Variants in PKD1 observed in about 807,000 individuals in gnomAD.
The protein encoded by PKD1 is polycystin 1, transient receptor potential channel interacting.
In PKD1, 81 loss-of-function variants were observed where a neutral mutation model predicts 361.7. That is an observed-to-expected ratio of 0.22 (90% CI 0.19 to 0.27). The LOEUF (loss-of-function observed/expected upper bound fraction) is 0.27, where lower values mean the gene tolerates loss of function less well. Among genes scored for constraint, PKD1 ranks in the 10% least tolerant of loss-of-function variants. The pLI is 1.00. For missense variants in PKD1, 6,399 were observed against 6,118.3 expected, an observed-to-expected ratio of 1.05 and a Z score of -1.53; for synonymous variants, 3,615 against 2,818.3, an observed-to-expected ratio of 1.28 and a Z score of -8.95.
In PKD1 at chr16:2,093,576, G is replaced by A. The variant is rs770600083; in HGVS notation, c.10984C>T (p.Arg3662Cys). 34 of 1,606,742 alleles carry A rather than the reference G, an allele frequency of 2.1e-5. No individual in the cohort carries two copies. Among genetic ancestry groups the A allele is most frequent in the South Asian group, 1.4e-4 (13 of 89,782 alleles). Residue 3662 changes from arginine to cysteine, a missense_variant, in exon 37 of 46, where the codon CGC becomes TGC. Physicochemically the swap from Arg to Cys is radical, Grantham distance 180. Coordinates refer to ENST00000262304, the MANE Select transcript of PKD1 (RefSeq NM_001009944.3). Reference protein sequence around the residue: ...FALFLAKEEARKVKRLHGMLR... With the variant: ...FALFLAKEEACKVKRLHGMLR... ...ATGCCATGTAGCCTCTTGACCTTGC[G>A]GGCTTCTTCCTTGGCCAGGAAGAGT...
intron 34 of PKD1, chr16:2,096,776 C>G (rs2091865275): frequency 3.9e-6 from 1 of 254,176 alleles, no homozygotes; most frequent in Non-Finnish European, 7.7e-6. Flanking sequence ...CTCGGCCTCC[C>G]AAAGTGCTGG....
rs1455118393 is a variant in PKD1, at chr16:2,119,096, C to T, written c.359+18G>A. ...CCTGGGGTCCAGCCAGGACCCCACC[C>T]AAAGAACCACAACTTACATTTCACT... On this transcript the variant is annotated intron_variant, in intron 3 of 45. Transcript: ENST00000262304. 1.7e-6 allele frequency: 2 copies of T among 1,162,938 alleles called. No individual in the cohort carries two copies. The highest frequency in any genetic ancestry group is 2.5e-5 in the East Asian group (1 of 40,276). 72.0% of individuals were successfully genotyped at this position (1,162,938 alleles called of 1,614,324 possible). A position where few individuals can be genotyped will look rare whatever the true frequency, so the allele number is the denominator to read the frequency against.
At chr16:2,091,702 C>T (rs1379740718) in intron 41 of PKD1, 79 bp downstream of exon 41, 16 of 1,579,132 alleles carry the variant, frequency 1.0e-5, no homozygotes, top group Admixed American at 1.8e-5. Context: ...CCTAGGCCAG[C>T]GGGGGCCGGA....
Position 2,108,654 on chromosome 16 carries a change from G to A in PKD1, c.6513C>T (p.Ala2171=), listed in dbSNP as rs369244440. 7.0e-6 allele frequency: 11 copies of A among 1,563,618 alleles called. 1 individual carries two copies. Among genetic ancestry groups the A allele is most frequent in the South Asian group, 1.2e-5 (1 of 85,382 alleles). The part of the protein sequence containing the change: ...MRRSQRNYLE[A]HVDLRDCVTY... ...TGACGCAGTCGCGCAGGTCAACGTG[G>A]GCCTCCAAGTAGTTGCGCTGTGATC... The change falls in exon 15 of 46, where the codon GCC becomes GCT. Residue 2171 remains alanine, a synonymous_variant. Coordinates refer to ENST00000262304, the MANE Select transcript of PKD1 (RefSeq NM_001009944.3).
At chr16:2,127,382 C>T (rs1343677155) in intron 1 of PKD1, among the ~76,000 whole-genome samples, 1 of 152,228 alleles carries the variant, frequency 6.6e-6, no homozygotes, top group African/African-American at 2.4e-5. Context: ...AGGAGTGGGC[C>T]GGGTCTTGTG....
rs927078945 is a variant in PKD1 at position 2,119,920 on chromosome 16, G to C, written c.216-542C>G. On this transcript the variant is annotated intron_variant, in intron 1 of 45. Transcript: ENST00000262304. ...TCGAGGCATAAACCCAGAGAAACAA[G>C]ACCTCCAAGACGGCCAGGCACTGGG... 5.8e-6 allele frequency: 4 copies of C among 693,312 alleles called. No homozygotes were observed. In the African/African-American group the frequency reaches 7.1e-5, roughly 12 times the overall value. 42.9% of individuals were successfully genotyped at this position (693,312 alleles called of 1,614,324 possible). A position where few individuals can be genotyped will look rare whatever the true frequency, so the allele number is the denominator to read the frequency against.
At position 2,119,318 on chromosome 16, in the gene PKD1, C is replaced by T. The variant is rs374518168; in HGVS notation, c.276G>A (p.Ala92=). The change falls in exon 2 of 46, where the codon GCG becomes GCA. Residue 92 remains alanine (A), a synonymous_variant. Transcript: ENST00000262304. ...TGGGGGACACTCACAGCTCTGCCAG[C>T]GCCGAGAGGTTCGCCAGGAGCCCAA... The part of the protein sequence containing the change: ...LDVGLLANLS[A]LAELDISNNK... 3.1e-3 allele frequency: 4,019 copies of T among 1,288,016 alleles called. 17 individuals carry two copies. Among genetic ancestry groups the T allele is most frequent in the Middle Eastern group, 0.01 (40 of 3,886 alleles). The allele number at this position is 1,288,016 out of a possible 1,614,324, so 79.8% of individuals were successfully genotyped here. A position where few individuals can be genotyped will look rare whatever the true frequency, so the allele number is the denominator to read the frequency against.
chr16:2,112,072 C>T (rs1235778763), intron 14 of PKD1, among the ~76,000 whole-genome samples: 1 of 152,220 alleles, frequency 6.6e-6, no homozygotes, highest in Non-Finnish European at 1.5e-5. Context: ...GACGGCACCG[C>T]CTCCAAGTGC....
In PKD1 at chr16:2,116,829, A is replaced by C; in HGVS notation, c.1606+4T>G. The C allele has an allele frequency of 1.1e-5, 16 of 1,518,898 alleles. No individual in the cohort carries two copies. The highest frequency in any genetic ancestry group is 1.4e-5 in the Non-Finnish European group (16 of 1,133,326). The allele number at this position is 1,518,898 out of a possible 1,614,324, so 94.1% of individuals were successfully genotyped here. On this transcript the variant is annotated splice_donor_region_variant and intron_variant, in intron 7 of 45. Transcript: ENST00000262304. ...CTCAGGCCCCTGCCTGGCCCCCCGC[A>C]CACCTCCGGGCTGCAGCTCGCAGAC... is the stretch of plus-strand genomic sequence containing the variant.
At position 2,089,946 on chromosome 16, in the gene PKD1, C is replaced by T. The variant is rs770831279; in HGVS notation, c.12693G>A (p.Gln4231=). The change falls in exon 46 of 46, where the codon CAG becomes CAA. Residue 4231 remains glutamine, a synonymous_variant. Coordinates refer to ENST00000262304, the MANE Select transcript of PKD1 (RefSeq NM_001009944.3). ...CCAGCTGGTAGACGTCCTCTGTGGC[C>T]TGGTTGAGTCGGTCAAACTGGGTGA... is the stretch of plus-strand genomic sequence containing the variant. The part of the protein sequence containing the change: ...ALLTQFDRLN[Q]ATEDVYQLEQ... The T allele has an allele frequency of 6.2e-7, 1 of 1,612,320 alleles. No homozygotes were observed. The highest frequency in any genetic ancestry group is 8.5e-7 in the Non-Finnish European group (1 of 1,179,780).
chr16:2,115,169 A>G (rs1339852571), intron 10 of PKD1: 7 of 736,180 alleles, frequency 9.5e-6, no homozygotes, highest in African/African-American at 1.9e-5. Flanking sequence ...GAGGAAGAGG[A>G]GGCACAGCTC....
chr16:2,109,310 T>G lies in PKD1; in HGVS notation c.5857A>C (p.Lys1953Gln). 6.3e-7 allele frequency: 1 copy of G among 1,585,982 alleles called. No individual in the cohort carries two copies. Among genetic ancestry groups the G allele is most frequent in the Non-Finnish European group, 8.6e-7 (1 of 1,169,112 alleles). The stretch of plus-strand genomic sequence containing the variant: ...GCCTGGGCCCAGCTCACGTGGTTTT[T>G]GCCCCGCACGCTCACCACGTGGTCT... Reference protein sequence around the residue: ...VGDHVVSVRGKNHVSWAQAQV... With the variant: ...VGDHVVSVRGQNHVSWAQAQV... The change falls in exon 15 of 46, where the codon AAA becomes CAA. Residue 1953 changes from lysine to glutamine, a missense_variant. Physicochemically the swap from Lys to Gln is moderately conservative, Grantham distance 53 (BLOSUM62 1). Coordinates refer to ENST00000262304, the MANE Select transcript of PKD1 (RefSeq NM_001009944.3).
intron 11 of PKD1, chr16:2,113,694 C>T (rs2092577181): frequency 1.6e-5 from 6 of 371,054 alleles, no homozygotes; most frequent in South Asian, 7.9e-5. Context: ...GCACAGGTCA[C>T]GCCATTTCTG....
In PKD1 at chr16:2,090,148, C is replaced by A; in HGVS notation, c.12491G>T (p.Arg4164Leu). The A allele has an allele frequency of 6.3e-7, 1 of 1,594,500 alleles. No individual in the cohort carries two copies. Among genetic ancestry groups the A allele is most frequent in the Non-Finnish European group, 8.5e-7 (1 of 1,169,652 alleles). ...RFEGMEPLPSRSSRGSKVSPD... is the reference protein window; with the variant it reads ...RFEGMEPLPSLSSRGSKVSPD... ...GGATACCTTGGAGCCCCTGGAGGAG[C>A]GAGAGGGCAGCGGCTCCATCCCTTC... The change falls in exon 46 of 46, where the codon CGC becomes CTC. Residue 4164 changes from arginine (R) to leucine (L), a missense_variant. By Grantham distance (102) the Arg-to-Leu change is moderately radical. Transcript: ENST00000262304.
intron 34 of PKD1, chr16:2,094,721 G>A (rs535845154): frequency 5.7e-6 from 1 of 174,240 alleles, no homozygotes; most frequent in Non-Finnish European, 1.2e-5. Context: ...GTGTCTCCAG[G>A]AGCCAGTGAC....
intron 40 of PKD1, 28 bp from the exon 41 acceptor site, chr16:2,091,934 G>A (rs1326854231): frequency 4.3e-6 from 7 of 1,611,402 alleles, no homozygotes; most frequent in Middle Eastern, 1.7e-4. Context: ...CGTGGGTGCC[G>A]CACCCCAGCC....
intron 1 of PKD1, among the ~76,000 whole-genome samples, chr16:2,127,154 C>T (rs1468290567): frequency 5.3e-5 from 8 of 152,204 alleles, no homozygotes; most frequent in African/African-American, 9.7e-5. Context: ...CAGCGCACAC[C>T]GCCACCACCT....
In PKD1 at chr16:2,111,303, G is replaced by T; in HGVS notation, c.3864C>A (p.His1288Gln). 3.7e-6 allele frequency: 6 copies of T among 1,609,242 alleles called. No homozygotes were observed. The highest frequency in any genetic ancestry group is 5.1e-6 in the Non-Finnish European group (6 of 1,179,258). ...GCACCTCCAGGACGAAGACCAGCAC[G>T]TGCAGGCTCCGGGCCAGGTGGCCGG... ...SPAGHLARSL[H>Q]VLVFVLEVLR... is the part of the protein sequence containing the mutation. Residue 1288 changes from histidine (H) to glutamine (Q), a missense_variant, in exon 15 of 46, where the codon CAC becomes CAA. Transcript: ENST00000262304.
At chr16:2,113,016 G>A (rs1307342045) in intron 12 of PKD1, 53 bp from the exon 13 acceptor site, 1 of 1,533,822 alleles carries the variant, frequency 6.5e-7, no homozygotes, top group Non-Finnish European at 8.9e-7. Context: ...GCCTGGCCCT[G>A]ATTGGCGTCC....
Sources: allele counts gnomAD v4.1 joint callset (sites outside exome capture counted in the v4.1 genomes callset), GRCh38; gene constraint gnomAD v4.1.1; transcripts MANE v1.5; gene names NCBI Gene and HGNC (gene_info 2026-07-23, HGNC 2026-07-21).